CDH3: variants seen among roughly 807,000 people sequenced by gnomAD.
CDH3 encodes the protein cadherin-3.
Under a neutral mutation model 82.0 loss-of-function variants are expected in CDH3, and 54 were observed. That is an observed-to-expected ratio of 0.66 (90% CI 0.53 to 0.83). The LOEUF is 0.83. CDH3 is among the 40% of genes least tolerant of loss of function. The pLI is 0.00. For synonymous variants in CDH3, 446 were observed against 437.9 expected (o/e 1.02, Z -0.23); for missense variants, 1,054 against 1,084.6 (o/e 0.97, Z 0.40).
intron 1 of CDH3, among the ~76,000 whole-genome samples, chr16:68,718,407 T>TGGG (rs1216299593): frequency 6.6e-6 from 1 of 151,986 alleles, no homozygotes; most frequent in Non-Finnish European, 1.5e-5. Context: ...TGGCTGGGTG[T>TGGG]GGTGGCTCAT....
intron 7 of CDH3, 86 bp downstream of exon 7, chr16:68,680,060 C>A: frequency 7.6e-7 from 1 of 1,320,936 alleles, no homozygotes; most frequent in Non-Finnish European, 1.1e-6. Flanking sequence ...CTATCCCTGC[C>A]CACAAAGCCC....
At chr16:68,717,031 C>T (rs1962103313) in intron 1 of CDH3, among the ~76,000 whole-genome samples, 1 of 152,012 alleles carries the variant, frequency 6.6e-6, no homozygotes, top group Admixed American at 6.6e-5. Flanking sequence ...ACAGGCCTGG[C>T]CAATAAAATA....
In CDH3 at chr16:68,698,322, A is replaced by G; in HGVS notation, c.2412A>G (p.Gln804=). Residue 804 remains glutamine, a synonymous_variant, in exon 16 of 16, where the codon CAA becomes CAG. Coordinates refer to ENST00000264012, the MANE Select transcript of CDH3 (RefSeq NM_001793.6). ...SLTSSASDQD[Q]DYDYLNEWGS... is the part of the protein sequence containing the mutation. ...CCTCCTCCGCCTCCGACCAAGACCA[A>G]GATTACGATTATCTGAACGAGTGGG... 6.2e-7 allele frequency: 1 copy of G among 1,614,162 alleles called. No homozygotes were observed. Among genetic ancestry groups the G allele is most frequent in the Non-Finnish European group, 8.5e-7 (1 of 1,180,008 alleles).
chr16:68,646,245 C>T (rs73558864), intron 2 of CDH3: 7,422 of 170,664 alleles, frequency 0.043, 521 homozygotes, highest in African/African-American at 0.15. Context: ...CCTTCTTCCT[C>T]GGCAGCTGGA....
At chr16:68,666,890 T>C (rs1270449669) in intron 2 of CDH3, among the ~76,000 whole-genome samples, 3 of 152,134 alleles carry the variant, frequency 2.0e-5, no homozygotes, top group Non-Finnish European at 4.4e-5. Context: ...GTTAGGTTGT[T>C]GAGACCTTTT....
rs768894285 is a variant in CDH3 at position 68,678,871 on chromosome 16, C to T, written c.656C>T (p.Thr219Ile). 7 of 1,613,920 alleles carry T rather than the reference C, an allele frequency of 4.3e-6. No homozygotes were observed. The African/African-American group carries it at 8.0e-5, about 18-fold the overall frequency. The change falls in exon 6 of 16, where the codon ACC becomes ATC. Residue 219 changes from threonine to isoleucine, a missense_variant. Transcript: ENST00000264012. ...CACAAGCCCAAGTTTACCCAGGACACCTTCCGAGGGAGTGTCTTAGAGGGA... is the reference window on the plus strand; with the variant it reads ...CACAAGCCCAAGTTTACCCAGGACATCTTCCGAGGGAGTGTCTTAGAGGGA... ...NDHKPKFTQD[T>I]FRGSVLEGVL...
intron 3 of CDH3, among the ~76,000 whole-genome samples, chr16:68,677,908 A>G (rs931996256): frequency 1.3e-5 from 2 of 150,326 alleles, no homozygotes; most frequent in Admixed American, 1.3e-4. Context: ...AGGCTCATCT[A>G]GGTCTCCTCA....
At chr16:68,708,517 C>CATGTCAGCCTGTCAGAG in intron 1 of CDH3, among the ~76,000 whole-genome samples, 1 of 152,332 alleles carries the variant, frequency 6.6e-6, no homozygotes, top group South Asian at 2.1e-4. Context: ...GCATCACCCA[C>CATGTCAGCCTGTCAGAG]ATGTCAGCCT....
At chr16:68,719,208 A>G (rs1300525171) in intron 1 of CDH3, among the ~76,000 whole-genome samples, 3 of 150,898 alleles carry the variant, frequency 2.0e-5, no homozygotes, top group Non-Finnish European at 2.9e-5. Flanking sequence ...GTGCCATTGC[A>G]CTCCAGCCTG....
Position 68,686,378 on chromosome 16 carries a change from C to T in CDH3, c.1570+1028C>T, listed in dbSNP as rs373258065. On this transcript the variant is annotated intron_variant, in intron 11 of 15. Transcript: ENST00000264012. ...AGTACGAGTCTGAGGTGGAGGGAGT[C>T]ATGGCAGGACAAGCATTTAGAAAGT... The T allele has an allele frequency of 4.1e-5, 49 of 1,198,822 alleles. 2 individuals carry two copies. In the African/African-American group the frequency reaches 6.7e-4, roughly 16 times the overall value. 74.3% of individuals were successfully genotyped at this position (1,198,822 alleles called of 1,614,324 possible).
chr16:68,649,731 G>C (rs1047452747), intron 2 of CDH3, among the ~76,000 whole-genome samples: 4 of 152,048 alleles, frequency 2.6e-5, no homozygotes, highest in South Asian at 2.1e-4. Flanking sequence ...AGGGCTGGGG[G>C]CTCCTTAAAA....
intron 2 of CDH3, chr16:68,651,042 C>T: frequency 2.4e-6 from 1 of 418,608 alleles, no homozygotes; most frequent in Non-Finnish European, 4.2e-6. Flanking sequence ...AGCTGGCCTC[C>T]TCCTGGTAGT....
At chr16:68,703,956 TAATC>T (rs1439245617), downstream of CDH3, among the ~76,000 whole-genome samples, 2 of 142,244 alleles carry the variant, frequency 1.4e-5, no homozygotes. Context: ...CAAATAATAA[TAATC>T]ATAATTAATA....
downstream of CDH3, among the ~76,000 whole-genome samples, chr16:68,701,086 CTA>C (rs1961887148): frequency 6.6e-6 from 1 of 152,128 alleles, no homozygotes; most frequent in African/African-American, 2.4e-5. Context: ...ATCAGAAACT[CTA>C]TCTTCAGCAG....
intron 2 of CDH3, among the ~76,000 whole-genome samples, chr16:68,665,156 C>A (rs774569885): frequency 9.2e-5 from 14 of 152,016 alleles, no homozygotes; most frequent in Non-Finnish European, 1.8e-4. Flanking sequence ...TGCCTGTAAT[C>A]CCAGCACTTT....
intron 9 of CDH3, among the ~76,000 whole-genome samples, chr16:68,683,574 C>T (rs1961290638): frequency 7.0e-6 from 1 of 142,148 alleles, no homozygotes; most frequent in South Asian, 2.3e-4. Flanking sequence ...ATGGCGTGAA[C>T]CCGGGAGGTG....
At chr16:68,700,487 C>G (rs1056979451), downstream of CDH3, among the ~76,000 whole-genome samples, 2 of 152,200 alleles carry the variant, frequency 1.3e-5, no homozygotes, top group Non-Finnish European at 2.9e-5. Flanking sequence ...AAGCCTCAGA[C>G]TTTGGATGGA....
In CDH3 at chr16:68,654,244, A is replaced by G. The variant is rs1348995618; in HGVS notation, c.160+8494A>G. ...CCAGCTAATTTTTTGTATTTTTAGT[A>G]GAGACAGGGTTTCACCGTGTTAGCC... On this transcript the variant is annotated intron_variant, in intron 2 of 15. Coordinates refer to ENST00000264012, the MANE Select transcript of CDH3 (RefSeq NM_001793.6). 1.0e-4 allele frequency among the ~76,000 whole-genome samples: 15 copies of G among 149,484 alleles called. 1 individual carries two copies. The highest frequency in any genetic ancestry group is 3.0e-5 in the Non-Finnish European group (2 of 67,364).
At chr16:68,654,773 C>T (rs1220721014) in intron 2 of CDH3, among the ~76,000 whole-genome samples, 6 of 148,260 alleles carry the variant, frequency 4.0e-5, no homozygotes, top group Admixed American at 1.4e-4. Flanking sequence ...TGATGGCTCA[C>T]ACCTGTAATC....
Sources: allele counts gnomAD v4.1 joint callset (sites outside exome capture counted in the v4.1 genomes callset), GRCh38; gene constraint gnomAD v4.1.1; transcripts MANE v1.5; gene names NCBI Gene and HGNC (gene_info 2026-07-23, HGNC 2026-07-21).